The following ANKRD33B variants were observed in gnomAD, a reference collection of about 807,000 sequenced individuals.
ANKRD33B encodes ankyrin repeat domain-containing protein 33B.
A neutral mutation model predicts 21.5 loss-of-function variants in ANKRD33B; 6 were observed. The observed-to-expected ratio is 0.28, with a 90% confidence interval of 0.15 to 0.55. The LOEUF (loss-of-function observed/expected upper bound fraction) is 0.55, where lower values mean the gene tolerates loss of function less well. Among genes scored for constraint, ANKRD33B ranks in the 20% least tolerant of loss-of-function variants. ANKRD33B has a pLI of 0.94. For missense variants in ANKRD33B, 698 were observed against 747.2 expected, an observed-to-expected ratio of 0.93 and a Z score of 0.77; for synonymous variants, 347 against 342.4, an observed-to-expected ratio of 1.01 and a Z score of -0.15.
chr5:10,564,593 C>T lies in ANKRD33B; in HGVS notation c.126C>T (p.Asp42=), dbSNP rs761663950. 4 of 1,534,812 alleles carry T rather than the reference C, an allele frequency of 2.6e-6. No homozygotes were observed. The South Asian group carries it at 4.8e-5, about 18-fold the overall frequency. The change falls in exon 1 of 4, where the codon GAC becomes GAT. Residue 42 remains aspartate, a synonymous_variant. Coordinates refer to ENST00000296657, the MANE Select transcript of ANKRD33B (RefSeq NM_001164440.2). ...EDPADYEEFE[D]FSSLPDTRSI... ...CCGCTGACTACGAAGAGTTTGAGGA[C>T]TTCTCGAGTCTGCCAGACACCCGCA...
chr5:10,610,215 A>G (rs1416479303), intron 1 of ANKRD33B, among the ~76,000 whole-genome samples: 1 of 152,208 alleles, frequency 6.6e-6, no homozygotes, highest in Non-Finnish European at 1.5e-5. Flanking sequence ...CGCTTTGGAG[A>G]GGACTTTGGC....
intron 3 of ANKRD33B, among the ~76,000 whole-genome samples, chr5:10,640,125 G>C (rs1264863651): frequency 8.1e-6 from 1 of 123,942 alleles, no homozygotes; most frequent in Non-Finnish European, 1.8e-5. Context: ...TGATGTTAGC[G>C]GGTGACGTGG....
At chr5:10,638,991 TTGCGCGGCGATGTTAGGCGGTGACGC>T in intron 3 of ANKRD33B, among the ~76,000 whole-genome samples, 1 of 73,072 alleles carries the variant, frequency 1.4e-5, no homozygotes, top group Non-Finnish European at 2.8e-5. Flanking sequence ...TGACGCGGAG[TTGCGCGGCGATGTTAGGCGGTGACGC>T]GGAGTTGCGC....
intron 2 of ANKRD33B, among the ~76,000 whole-genome samples, chr5:10,621,737 A>T (rs1736426881): frequency 6.6e-6 from 1 of 152,250 alleles, no homozygotes; most frequent in African/African-American, 2.4e-5. Flanking sequence ...ATATCCTATA[A>T]GGCAATAGAA....
chr5:10,581,136 C>T (rs1376115518), intron 1 of ANKRD33B, among the ~76,000 whole-genome samples: 1 of 152,232 alleles, frequency 6.6e-6, no homozygotes, highest in Non-Finnish European at 1.5e-5. Context: ...GCATCTGTGC[C>T]TGGGGCCTGG....
intron 1 of ANKRD33B, among the ~76,000 whole-genome samples, chr5:10,610,030 C>T (rs1310397691): frequency 6.6e-6 from 1 of 152,170 alleles, no homozygotes; most frequent in East Asian, 1.9e-4. Flanking sequence ...TCCAGACAGC[C>T]AATAGATGCA....
intron 3 of ANKRD33B, among the ~76,000 whole-genome samples, chr5:10,643,603 G>A (rs1010189486): frequency 4.6e-5 from 7 of 151,646 alleles, no homozygotes; most frequent in African/African-American, 1.7e-4. Flanking sequence ...ATCACCTGAG[G>A]ACAGGAGTTC....
intron 2 of ANKRD33B, among the ~76,000 whole-genome samples, chr5:10,622,800 TTTATTTTA>T (rs1560977664): frequency 9.6e-5 from 13 of 135,288 alleles, no homozygotes; most frequent in African/African-American, 4.0e-4. Context: ...TTTGCTTTAT[TTTATTTTA>T]TTTTTTTTTT....
intron 1 of ANKRD33B, among the ~76,000 whole-genome samples, chr5:10,615,319 A>G (rs1157573719): frequency 6.6e-6 from 1 of 152,322 alleles, no homozygotes; most frequent in Admixed American, 6.5e-5. Context: ...TAATCCAGAA[A>G]TCCTGCTTCT....
At chr5:10,593,126 A>G (rs1295891539) in intron 1 of ANKRD33B, among the ~76,000 whole-genome samples, 3 of 152,146 alleles carry the variant, frequency 2.0e-5, no homozygotes, top group Non-Finnish European at 4.4e-5. Context: ...AATTATGCTT[A>G]TTATTTCAAC....
At chr5:10,625,536 G>A (rs1009554503) in intron 2 of ANKRD33B, among the ~76,000 whole-genome samples, 10 of 152,200 alleles carry the variant, frequency 6.6e-5, no homozygotes, top group African/African-American at 1.7e-4. Context: ...CCTGCCAGGC[G>A]CTCGTAGCCC....
chr5:10,564,426 C>G lies in ANKRD33B; in HGVS notation c.-42C>G. The stretch of plus-strand genomic sequence containing the variant: ...GCGCGCGCCCCGCGTCCCGCTCTTC[C>G]TGCCCGCGCCCCGGCCCCCGGCCCG... On this transcript the variant is annotated 5_prime_UTR_variant, in exon 1 of 4. Transcript: ENST00000296657. 9.6e-7 allele frequency: 1 copy of G among 1,039,124 alleles called. No homozygotes were observed. The highest frequency in any genetic ancestry group is 1.2e-6 in the Non-Finnish European group (1 of 866,318). The allele number at this position is 1,039,124 out of a possible 1,614,324, so 64.4% of individuals were successfully genotyped here. A position where few individuals can be genotyped will look rare whatever the true frequency, so the allele number is the denominator to read the frequency against.
chr5:10,633,558 G>A (rs987900935), intron 2 of ANKRD33B, among the ~76,000 whole-genome samples: 6 of 152,208 alleles, frequency 3.9e-5, no homozygotes, highest in African/African-American at 7.2e-5. Flanking sequence ...GAATGGACGC[G>A]TGTCAATTCA....
intron 1 of ANKRD33B, among the ~76,000 whole-genome samples, chr5:10,590,392 G>A (rs888584474): frequency 1.3e-5 from 2 of 152,158 alleles, no homozygotes; most frequent in African/African-American, 4.8e-5. Flanking sequence ...ATAAGATCTG[G>A]CCTCTTTCTG....
At position 10,574,860 on chromosome 5, in the gene ANKRD33B, G is replaced by GGGCGGAT. The variant is rs1560960580; in HGVS notation, c.366+10027_366+10028insGGCGGAT. Among the ~76,000 whole-genome samples, 577 of 76,914 alleles carry GGGCGGAT rather than the reference G, an allele frequency of 7.5e-3. 48 individuals are homozygous for GGGCGGAT. Among genetic ancestry groups the GGGCGGAT allele is most frequent in the Middle Eastern group, 0.025 (4 of 158 alleles). 50.5% of individuals were successfully genotyped at this position (76,914 alleles called of 152,430 possible). ...TTTGGGAGGCTGAAGCGGGAGAGCT[G>GGGCGGAT]CTTAAGGCCAGGTGCTCAAGACCAG... On this transcript the variant is annotated intron_variant, in intron 1 of 3. Transcript: ENST00000296657.
chr5:10,566,502 G>C (rs1207635524), intron 1 of ANKRD33B, among the ~76,000 whole-genome samples: 1 of 152,220 alleles, frequency 6.6e-6, no homozygotes, highest in Non-Finnish European at 1.5e-5. Context: ...CTCTCCCCCT[G>C]TCCTGGGCAG....
At chr5:10,623,078 G>A (rs887433231) in intron 2 of ANKRD33B, among the ~76,000 whole-genome samples, 6 of 152,130 alleles carry the variant, frequency 3.9e-5, no homozygotes, top group African/African-American at 1.4e-4. Context: ...TGTGGCATGG[G>A]AGCCTGTAAC....
chr5:10,571,022 A>ATTAT (rs1204255646), intron 1 of ANKRD33B, among the ~76,000 whole-genome samples: 2 of 149,508 alleles, frequency 1.3e-5, no homozygotes, highest in Non-Finnish European at 2.9e-5. Flanking sequence ...AATTATTATT[A>ATTAT]TTATTGGTCA....
chr5:10,585,283 A>G lies in ANKRD33B; in HGVS notation c.366+20450A>G, dbSNP rs373286567. The stretch of plus-strand genomic sequence containing the variant: ...CGTCTCTTACATTGTGCTTACTTAG[A>G]TCAATGCCTTTTCAGTGTTTGTTTA... On this transcript the variant is annotated intron_variant, in intron 1 of 3. Coordinates refer to ENST00000296657, the MANE Select transcript of ANKRD33B (RefSeq NM_001164440.2). Among the ~76,000 whole-genome samples, 14 of 152,304 alleles carry G rather than the reference A, an allele frequency of 9.2e-5. No individual in the cohort carries two copies. In the South Asian group the frequency reaches 1.7e-3, roughly 18 times the overall value.
Sources: gnomAD v4.1 joint callset for allele counts (sites outside exome capture counted in the v4.1 genomes callset) on GRCh38, gnomAD v4.1.1 for gene constraint, MANE v1.5 for transcripts, NCBI Gene and HGNC (gene_info 2026-07-23, HGNC 2026-07-21) for gene names.